The following GRAMD4 variants were observed in gnomAD, a reference collection of about 807,000 sequenced individuals.
GRAMD4 encodes the protein GRAM domain-containing protein 4.
A neutral mutation model predicts 83.9 loss-of-function variants in GRAMD4; 25 were observed. That is an observed-to-expected ratio of 0.30 (90% CI 0.22 to 0.42). The LOEUF (loss-of-function observed/expected upper bound fraction) is 0.42. Among genes scored for constraint, GRAMD4 ranks in the 10% least tolerant of loss-of-function variants. The probability of loss-of-function intolerance (pLI) is 1.00; values close to 1 mark genes in which losing one functional copy is unlikely to be tolerated. For synonymous variants in GRAMD4, 336 were observed against 320.9 expected (o/e 1.05, Z -0.50); for missense variants, 593 against 788.7 (o/e 0.75, Z 2.97).
At chr22:46,607,837 G>A (rs1037399397) in intron 1 of GRAMD4, among the ~76,000 whole-genome samples, 2 of 152,110 alleles carry the variant, frequency 1.3e-5, no homozygotes, top group Non-Finnish European at 2.9e-5. Context: ...CTGCTCCCTC[G>A]TCCCGGAGTG....
In GRAMD4 at chr22:46,678,957, A is replaced by G; in HGVS notation, c.*1706A>G. ...ATGACCACACGGCGGCCTTTCCCGA[A>G]TGGGGACAGAACCCGCTCTGAGCCG... is the stretch of plus-strand genomic sequence containing the variant. On this transcript the variant is annotated 3_prime_UTR_variant, in exon 19 of 19. Transcript: ENST00000406902. The G allele has an allele frequency of 1.0e-6, 1 of 985,774 alleles. No homozygotes were observed. Among genetic ancestry groups the G allele is most frequent in the Non-Finnish European group, 1.2e-6 (1 of 829,988 alleles). The allele number at this position is 985,774 out of a possible 1,614,324, so 61.1% of individuals were successfully genotyped here.
Position 46,589,872 on chromosome 22 carries a change from T to G in GRAMD4, c.-50+12582T>G, listed in dbSNP as rs1189456932. Among the ~76,000 whole-genome samples, 3 of 152,024 alleles carry G rather than the reference T, an allele frequency of 2.0e-5. No individual in the cohort carries two copies. In the East Asian group the frequency reaches 5.8e-4, roughly 29 times the overall value. On this transcript the variant is annotated intron_variant, in intron 1 of 1. Coordinates refer to the GRAMD4 transcript ENST00000431155. ...CAGCAGCCTGACTGCCTCCCCTCCC[T>G]CAGCCCCTCAGAGAGGCCTCCTGTC...
At chr22:46,628,893 T>C (rs1413005153) in intron 2 of GRAMD4, among the ~76,000 whole-genome samples, 2 of 151,582 alleles carry the variant, frequency 1.3e-5, no homozygotes, top group Admixed American at 6.6e-5. Flanking sequence ...GCGCTAGCGG[T>C]GTTGCTGGCG....
intron 18 of GRAMD4, 57 bp from the exon 19 acceptor site, chr22:46,677,090 G>A (rs2147433823): frequency 2.5e-6 from 4 of 1,604,156 alleles, no homozygotes; most frequent in Non-Finnish European, 3.4e-6. Flanking sequence ...TCTCGGTCCT[G>A]GTCCTGGCGC....
chr22:46,680,781 C>G (rs560524371), downstream of GRAMD4, among the ~76,000 whole-genome samples: 1 of 89,130 alleles, frequency 1.1e-5, no homozygotes, highest in Non-Finnish European at 2.3e-5. Flanking sequence ...CATCCATCCA[C>G]CCACCCACCT....
chr22:46,661,475 G>A (rs568314548), intron 5 of GRAMD4, 33 bp downstream of exon 5: 85 of 1,464,462 alleles, frequency 5.8e-5, no homozygotes, highest in South Asian at 2.2e-4. Flanking sequence ...ACAGGCAGGC[G>A]GGCGGGTGGG....
chr22:46,611,536 A>G (rs1267813512), intron 1 of GRAMD4, among the ~76,000 whole-genome samples: 2 of 152,144 alleles, frequency 1.3e-5, no homozygotes, highest in South Asian at 2.1e-4. Context: ...TCCTTTCAAC[A>G]TTGTGATTGG....
At chr22:46,586,228 CCTGCCTTCCTG>C (rs912086350) in intron 1 of GRAMD4, among the ~76,000 whole-genome samples, 1 of 152,192 alleles carries the variant, frequency 6.6e-6, no homozygotes, top group African/African-American at 2.4e-5. Context: ...GGGCCAGCCT[CCTGCCTTCCTG>C]CTGACCGTGT....
In GRAMD4 at chr22:46,659,989, C is replaced by T. The variant is rs912137649; in HGVS notation, c.405-1392C>T. Among the ~76,000 whole-genome samples the T allele has an allele frequency of 6.6e-5, 10 of 152,204 alleles. No homozygotes were observed. The highest frequency in any genetic ancestry group is 8.8e-5 in the Non-Finnish European group (6 of 68,026). On this transcript the variant is annotated intron_variant, in intron 4 of 18. Transcript: ENST00000406902. The surrounding 1 kb of genome is among the most constrained non-coding windows in gnomAD (Gnocchi z 4.1). Reference sequence around the variant, plus strand: ...AGGCATTTGGCCACAGTGCCATCCCCGCCACGGGACGCTGCTTCTCCCCCG... The same window carrying T: ...AGGCATTTGGCCACAGTGCCATCCCTGCCACGGGACGCTGCTTCTCCCCCG...
rs1223782031 is a variant in GRAMD4 at position 46,672,120 on chromosome 22, G to C, written c.1085-723G>C. 6.6e-6 allele frequency among the ~76,000 whole-genome samples: 1 copy of C among 152,254 alleles called. No homozygotes were observed. The highest frequency in any genetic ancestry group is 2.4e-5 in the African/African-American group (1 of 41,462). Reference sequence around the variant, plus strand: ...AACTCCTGACAGCTTTTGCTGCCCAGGGGGGTGCGTTAGCAGGTGTGTGGG... The same window carrying C: ...AACTCCTGACAGCTTTTGCTGCCCACGGGGGTGCGTTAGCAGGTGTGTGGG... On this transcript the variant is annotated intron_variant, in intron 13 of 18. Coordinates refer to ENST00000406902, the MANE Select transcript of GRAMD4 (RefSeq NM_015124.5). This position sits in a 1 kb window ranked among gnomAD's most constrained non-coding sequence, Gnocchi z 4.7.
At chr22:46,673,647 T>G (rs770240872) in intron 14 of GRAMD4, 23 bp from the exon 15 acceptor site, 1 of 1,607,012 alleles carries the variant, frequency 6.2e-7, no homozygotes, top group South Asian at 1.1e-5. Context: ...GGGCCTGACC[T>G]CGACGCTGTT....
chr22:46,665,626 T>C lies in GRAMD4; in HGVS notation c.729T>C (p.Asn243=), dbSNP rs775957411. The C allele has an allele frequency of 1.9e-6, 3 of 1,589,526 alleles. No homozygotes were observed. The highest frequency in any genetic ancestry group is 1.3e-5 in the African/African-American group (1 of 74,574). Residue 243 remains asparagine, a synonymous_variant, in exon 9 of 19, where the codon AAT becomes AAC. Coordinates refer to ENST00000406902, the MANE Select transcript of GRAMD4 (RefSeq NM_015124.5). ...TCTCTCACCCGCAGGTGTACATGAA[T>C]GCCGTGTGGCATGGCTGGGCCATCC... is the stretch of plus-strand genomic sequence containing the variant. ...TSAIAFTVYM[N]AVWHGWAIPL...
At chr22:46,582,217 T>C (rs922842959) in intron 1 of GRAMD4, among the ~76,000 whole-genome samples, 1 of 152,160 alleles carries the variant, frequency 6.6e-6, no homozygotes, top group Non-Finnish European at 1.5e-5. Flanking sequence ...TGAAGCTTTG[T>C]GCTTGGTGAA....
Position 46,621,952 on chromosome 22 carries a change from C to T in GRAMD4, c.-50+1387C>T, listed in dbSNP as rs1387800287. 2.0e-5 allele frequency among the ~76,000 whole-genome samples: 3 copies of T among 152,152 alleles called. No homozygotes were observed. Among genetic ancestry groups the T allele is most frequent in the South Asian group, 2.1e-4 (1 of 4,824 alleles). On this transcript the variant is annotated intron_variant, in intron 1 of 18. Coordinates refer to ENST00000406902, the MANE Select transcript of GRAMD4 (RefSeq NM_015124.5). The surrounding 1 kb of genome is among the most constrained non-coding windows in gnomAD (Gnocchi z 5.8). Reference sequence around the variant, plus strand: ...GAGTCAGTGGGGCTGAGAGCAGGGTCGTCTAGGACCCTGATGTGTGGACGC... The same window carrying T: ...GAGTCAGTGGGGCTGAGAGCAGGGTTGTCTAGGACCCTGATGTGTGGACGC...
At chr22:46,652,202 C>T (rs939917080) in intron 3 of GRAMD4, among the ~76,000 whole-genome samples, 3 of 152,106 alleles carry the variant, frequency 2.0e-5, no homozygotes, top group African/African-American at 4.8e-5. Context: ...TGGGGGCGCA[C>T]AGTCACCACA....
intron 1 of GRAMD4, among the ~76,000 whole-genome samples, chr22:46,601,167 A>G (rs1159638898): frequency 6.6e-6 from 1 of 152,022 alleles, no homozygotes; most frequent in East Asian, 1.9e-4. Flanking sequence ...ATCACTACTT[A>G]AAAAAAGAAT....
chr22:46,640,285 G>A (rs1175326894), intron 3 of GRAMD4, among the ~76,000 whole-genome samples: 10 of 152,302 alleles, frequency 6.6e-5, no homozygotes, highest in African/African-American at 2.4e-4. Flanking sequence ...GCAGGGCAAG[G>A]ATCTGTGAGC....
In GRAMD4 at chr22:46,622,667, A is replaced by G. The variant is rs1189548883; in HGVS notation, c.-50+2102A>G. On this transcript the variant is annotated intron_variant, in intron 1 of 18. Coordinates refer to ENST00000406902, the MANE Select transcript of GRAMD4 (RefSeq NM_015124.5). This position sits in a 1 kb window ranked among gnomAD's most constrained non-coding sequence, Gnocchi z 4.0. ...GGCGGCTCACGCCTGTAATCCCAGC[A>G]CTTTGGGAGGCCGAGGCGGGTGGAT... Among the ~76,000 whole-genome samples the G allele has an allele frequency of 2.6e-5, 4 of 152,180 alleles. No individual in the cohort carries two copies. Among genetic ancestry groups the G allele is most frequent in the African/African-American group, 9.7e-5 (4 of 41,440 alleles).
At position 46,677,302 on chromosome 22, in the gene GRAMD4, C is replaced by CTTTTTTT; in HGVS notation, c.*58_*64dup. The CTTTTTTT allele has an allele frequency of 4.5e-6, 6 of 1,340,572 alleles. No homozygotes were observed. Among genetic ancestry groups the CTTTTTTT allele is most frequent in the South Asian group, 2.8e-5 (2 of 71,812 alleles). The allele number at this position is 1,340,572 out of a possible 1,614,324, so 83.0% of individuals were successfully genotyped here. A position where few individuals can be genotyped will look rare whatever the true frequency, so the allele number is the denominator to read the frequency against. On this transcript the variant is annotated 3_prime_UTR_variant, in exon 19 of 19. Coordinates refer to ENST00000406902, the MANE Select transcript of GRAMD4 (RefSeq NM_015124.5). ...GAATTTTCTTTTTCTTTTTCTTTTT[C>CTTTTTTT]TTTTTTTTTTTTTACGATTTGGTAG...
Sources: gnomAD v4.1 joint callset for allele counts (sites outside exome capture counted in the v4.1 genomes callset) on GRCh38, gnomAD v4.1.1 for gene constraint, Gnocchi (gnomAD v3.1) non-coding constraint, MANE v1.5 for transcripts, NCBI Gene and HGNC (gene_info 2026-07-23, HGNC 2026-07-21) for gene names.